The following DGCR8 variants were observed in gnomAD, a reference collection of about 807,000 sequenced individuals.
DGCR8 encodes the protein microprocessor complex subunit DGCR8.
In DGCR8, 14 loss-of-function variants were observed where a neutral mutation model predicts 78.5. The observed-to-expected ratio is 0.18, with a 90% confidence interval of 0.12 to 0.28. The LOEUF (loss-of-function observed/expected upper bound fraction) is 0.28, where lower values mean the gene tolerates loss of function less well. Among genes scored for constraint, DGCR8 ranks in the 10% least tolerant of loss-of-function variants. DGCR8 has a pLI of 1.00. For synonymous variants in DGCR8, 399 were observed against 402.4 expected (o/e 0.99, Z 0.10); for missense variants, 702 against 1,022.5 (o/e 0.69, Z 4.28).
Position 20,110,890 on chromosome 22 carries a change from G to A in DGCR8, c.*782G>A, listed in dbSNP as rs139045316. 5.9e-4 allele frequency: 171 copies of A among 288,166 alleles called. No homozygotes were observed. The East Asian group carries it at 7.5e-3, about 13-fold the overall frequency. The allele number at this position is 288,166 out of a possible 1,614,324, so 17.9% of individuals were successfully genotyped here. On this transcript the variant is annotated 3_prime_UTR_variant, in exon 14 of 14. Transcript: ENST00000351989. ...GCCCTCTCTGCCTTTCCTGGCCTCC[G>A]GCAACAGTTTTTTACAAAGATTTTT...
At chr22:20,092,776 G>T (rs771880207) in intron 7 of DGCR8, 33 bp from the exon 8 acceptor site, 1 of 1,580,260 alleles carries the variant, frequency 6.3e-7, no homozygotes, top group Admixed American at 1.7e-5. Flanking sequence ...GTCTTGACTC[G>T]TATGTTTTAA....
At position 20,080,326 on chromosome 22, in the gene DGCR8, A is replaced by G. The variant is rs2049402499; in HGVS notation, c.-335A>G. The G allele has an allele frequency of 1.0e-6, 1 of 980,382 alleles. No homozygotes were observed. The highest frequency in any genetic ancestry group is 1.2e-6 in the Non-Finnish European group (1 of 828,062). 60.7% of individuals were successfully genotyped at this position (980,382 alleles called of 1,614,324 possible). On this transcript the variant is annotated 5_prime_UTR_variant, in exon 1 of 14. The change abolishes the stop of an existing upstream ORF in the 5' untranslated region. Transcript: ENST00000351989. Reference sequence around the variant, plus strand: ...AGATGGCTGCGGCGGTCGGTCGGTGAGGCTTTCCCGGCTGTGGTTTGGCTG... The same window carrying G: ...AGATGGCTGCGGCGGTCGGTCGGTGGGGCTTTCCCGGCTGTGGTTTGGCTG...
chr22:20,089,740 G>C lies in DGCR8; in HGVS notation c.952G>C (p.Val318Leu). 6.2e-7 allele frequency: 1 copy of C among 1,613,954 alleles called. No homozygotes were observed. Among genetic ancestry groups the C allele is most frequent in the African/African-American group, 1.3e-5 (1 of 74,952 alleles). The change falls in exon 4 of 14, where the codon GTG (valine) becomes CTG (leucine). Residue 318 changes from valine (V) to leucine (L), a missense_variant. Physicochemically the swap from Val to Leu is conservative, Grantham distance 32 (BLOSUM62 1). This residue lies in a region of DGCR8 where 356 missense variants were observed against 448.9 expected (regional missense o/e 0.79). Coordinates refer to ENST00000351989, the MANE Select transcript of DGCR8 (RefSeq NM_022720.7). This position sits in a 1 kb window ranked among gnomAD's most constrained non-coding sequence, Gnocchi z 4.9. ...IMTFHNSGVP[V>L]YLHRESRVVT... ...GACATTCCATAACTCTGGAGTCCCG[G>C]TGTACCTACACAGAGAGTCTCGGGT... is the stretch of plus-strand genomic sequence containing the variant.
Position 20,100,824 on chromosome 22 carries a change from A to G in DGCR8, c.1789-5353A>G, listed in dbSNP as rs55851625. 9.9e-4 allele frequency: 973 copies of G among 985,240 alleles called. 2 individuals carry two copies. Among genetic ancestry groups the G allele is most frequent in the South Asian group, 1.2e-3 (25 of 21,276 alleles). The allele number at this position is 985,240 out of a possible 1,614,324, so 61.0% of individuals were successfully genotyped here. Reference sequence around the variant, plus strand: ...CACACCCCTACTCCGATCCTCCCACACTGCAGCCTGTCTGGAGCTAGCGTC... The same window carrying G: ...CACACCCCTACTCCGATCCTCCCACGCTGCAGCCTGTCTGGAGCTAGCGTC... On this transcript the variant is annotated intron_variant, in intron 9 of 13. Coordinates refer to ENST00000351989, the MANE Select transcript of DGCR8 (RefSeq NM_022720.7).
At chr22:20,103,938 C>A (rs1039148583) in intron 9 of DGCR8, among the ~76,000 whole-genome samples, 1 of 152,210 alleles carries the variant, frequency 6.6e-6, no homozygotes, top group Admixed American at 6.5e-5. Flanking sequence ...AGGTGTCGGG[C>A]GTCTGTGGTG....
In DGCR8 at chr22:20,085,709, C is replaced by T. The variant is rs1208030718; in HGVS notation, c.-255C>T. 2 of 1,308,050 alleles carry T rather than the reference C, an allele frequency of 1.5e-6. No individual in the cohort carries two copies. The highest frequency in any genetic ancestry group is 7.5e-5 in the Admixed American group (2 of 26,754). The allele number at this position is 1,308,050 out of a possible 1,614,324, so 81.0% of individuals were successfully genotyped here. On this transcript the variant is annotated 5_prime_UTR_variant, in exon 2 of 14. Coordinates refer to ENST00000351989, the MANE Select transcript of DGCR8 (RefSeq NM_022720.7). The surrounding 1 kb of genome is among the most constrained non-coding windows in gnomAD (Gnocchi z 6.2). ...CAGGTAGAAGAAGAAAGGTGCCACTCCGGCATGAAGACAGACTCGCTTAGT... is the reference window on the plus strand; with the variant it reads ...CAGGTAGAAGAAGAAAGGTGCCACTTCGGCATGAAGACAGACTCGCTTAGT...
chr22:20,098,767 C>T (rs2049660844), intron 9 of DGCR8, among the ~76,000 whole-genome samples: 2 of 152,286 alleles, frequency 1.3e-5, no homozygotes, highest in African/African-American at 4.8e-5. Context: ...TGTGTGCATG[C>T]TGGTCTCCAC....
In DGCR8 at chr22:20,100,121, C is replaced by CA. The variant is rs201276755; in HGVS notation, c.1788+5327dup. 9.9e-4 allele frequency among the ~76,000 whole-genome samples: 151 copies of CA among 152,166 alleles called. 4 individuals are homozygous for CA. The East Asian group carries it at 0.027, about 27-fold the overall frequency. On this transcript the variant is annotated intron_variant, in intron 9 of 13. Transcript: ENST00000351989. Reference sequence around the variant, plus strand: ...CTCGCTCTGTTGCCAGGCTGGAGTGCAGTGGTTCGATCTCTGCTTACTGCA... The same window carrying CA: ...CTCGCTCTGTTGCCAGGCTGGAGTGCAAGTGGTTCGATCTCTGCTTACTGCA...
chr22:20,082,248 C>T (rs376917165), intron 1 of DGCR8, among the ~76,000 whole-genome samples: 6 of 150,574 alleles, frequency 4.0e-5, no homozygotes, highest in Non-Finnish European at 7.4e-5. Context: ...TTAGTAGAGA[C>T]GGGGTTTCAC....
intron 9 of DGCR8, among the ~76,000 whole-genome samples, chr22:20,097,279 T>C (rs540755529): frequency 6.6e-6 from 1 of 152,360 alleles, no homozygotes; most frequent in South Asian, 2.1e-4. Context: ...TTTTGTAGAC[T>C]GCGTTCAGTG....
chr22:20,080,267 G>T lies in DGCR8; in HGVS notation c.-394G>T, dbSNP rs570715346. ...TCCGCTCGCCCGGCGCGGCAGGCGG[G>T]TGCCGGCGACCGGAGAGCCTGGACA... is the stretch of plus-strand genomic sequence containing the variant. On this transcript the variant is annotated 5_prime_UTR_variant, in exon 1 of 14. Transcript: ENST00000351989. The T allele has an allele frequency of 8.3e-5, 81 of 979,980 alleles. 1 individual carries two copies. In the African/African-American group the frequency reaches 1.3e-3, roughly 16 times the overall value. The allele number at this position is 979,980 out of a possible 1,614,324, so 60.7% of individuals were successfully genotyped here. A position where few individuals can be genotyped will look rare whatever the true frequency, so the allele number is the denominator to read the frequency against.
chr22:20,100,068 A>G (rs989184401), intron 9 of DGCR8, among the ~76,000 whole-genome samples: 1 of 152,004 alleles, frequency 6.6e-6, no homozygotes, highest in Non-Finnish European at 1.5e-5. Context: ...GAAGAGTCAC[A>G]TTTGTCCCTT....
At chr22:20,105,020 C>A (rs1411160516) in intron 9 of DGCR8, among the ~76,000 whole-genome samples, 1 of 152,234 alleles carries the variant, frequency 6.6e-6, no homozygotes, top group Non-Finnish European at 1.5e-5. Flanking sequence ...CAGAACAGGG[C>A]CAGTGGGGGA....
Position 20,111,085 on chromosome 22 carries a change from C to A in DGCR8, c.*977C>A. The A allele has an allele frequency of 2.5e-6, 1 of 398,020 alleles. No individual in the cohort carries two copies. The highest frequency in any genetic ancestry group is 4.4e-6 in the Non-Finnish European group (1 of 226,070). 24.7% of individuals were successfully genotyped at this position (398,020 alleles called of 1,614,324 possible). ...GCCTTCAGTGTAGCCCATTCTTGAT[C>A]CAGAGCTGTTGCCTGTGACAGCGGT... On this transcript the variant is annotated 3_prime_UTR_variant, in exon 14 of 14. Coordinates refer to ENST00000351989, the MANE Select transcript of DGCR8 (RefSeq NM_022720.7).
At chr22:20,100,546 GC>G in intron 9 of DGCR8, 3 of 985,358 alleles carry the variant, frequency 3.0e-6, no homozygotes, top group Non-Finnish European at 3.6e-6. Context: ...CTGAGTAAAA[GC>G]CCTGCCTGTT....
At chr22:20,081,788 T>G (rs1205199572) in intron 1 of DGCR8, among the ~76,000 whole-genome samples, 2 of 152,144 alleles carry the variant, frequency 1.3e-5, no homozygotes, top group Non-Finnish European at 2.9e-5. Flanking sequence ...CAAACCAAAC[T>G]CAAATCTTCA....
rs1415452832 is a variant in DGCR8 at position 20,100,885 on chromosome 22, C to G, written c.1789-5292C>G. 3.1e-6 allele frequency: 3 copies of G among 952,682 alleles called. No individual in the cohort carries two copies. The East Asian group carries it at 3.5e-4, about 110-fold the overall frequency. The allele number at this position is 952,682 out of a possible 1,614,324, so 59.0% of individuals were successfully genotyped here. On this transcript the variant is annotated intron_variant, in intron 9 of 13. Coordinates refer to ENST00000351989, the MANE Select transcript of DGCR8 (RefSeq NM_022720.7). ...AGGTAAGGAGCTCAGTTTCGTGGGA[C>G]TGCCCCCACTTCCTGTGCCAGCCGC...
At chr22:20,080,944 A>T (rs968362364) in intron 1 of DGCR8, among the ~76,000 whole-genome samples, 1 of 152,188 alleles carries the variant, frequency 6.6e-6, no homozygotes, top group African/African-American at 2.4e-5. Context: ...GCCTTTTTGC[A>T]TGCTTGCATG....
intron 9 of DGCR8, 125 bp downstream of exon 9, chr22:20,094,920 A>C: frequency 5.4e-6 from 4 of 740,300 alleles, no homozygotes; most frequent in Non-Finnish European, 9.3e-6. Context: ...GGTTAGTCTC[A>C]TCCAGCCTCC....
Sources: gnomAD v4.1 joint callset for allele counts (sites outside exome capture counted in the v4.1 genomes callset) on GRCh38, gnomAD v4.1.1 for gene constraint, gnomAD v4.1.1 regional missense constraint, Gnocchi (gnomAD v3.1) non-coding constraint, MANE v1.5 for transcripts, NCBI Gene and HGNC (gene_info 2026-07-23, HGNC 2026-07-21) for gene names.